PRSS12: variants seen among roughly 807,000 people sequenced by gnomAD.
The protein encoded by PRSS12 is serine protease 12, also known as neurotrypsin.
In PRSS12, 85 loss-of-function variants were observed where a neutral mutation model predicts 104.4. The observed-to-expected ratio is 0.81, with a 90% CI of 0.68 to 0.98. The LOEUF is 0.98. Ranked by LOEUF, PRSS12 falls within the 50% of genes least tolerant of loss-of-function variation. PRSS12 has a pLI of 0.00. For missense variants in PRSS12, 1,141 were observed against 1,139.2 expected (o/e 1.00, Z -0.02); for synonymous variants, 454 against 425.2 (o/e 1.07, Z -0.83).
Position 118,331,883 on chromosome 4 carries a change from T to TA in PRSS12, c.821-18dup. 6.2e-7 allele frequency: 1 copy of TA among 1,613,572 alleles called. No individual in the cohort carries two copies. The highest frequency in any genetic ancestry group is 8.5e-7 in the Non-Finnish European group (1 of 1,179,992). ...ACGTTGGGCCTGTGCAATGTGAAGT[T>TA]AAAAATAAGCAAAACCTATGCATTT... On this transcript the variant is annotated splice_polypyrimidine_tract_variant and intron_variant, in intron 3 of 12. Coordinates refer to ENST00000296498, the MANE Select transcript of PRSS12 (RefSeq NM_003619.4).
intron 1 of PRSS12, among the ~76,000 whole-genome samples, chr4:118,347,775 A>G (rs1300110125): frequency 6.6e-6 from 1 of 152,166 alleles, no homozygotes; most frequent in Non-Finnish European, 1.5e-5. Flanking sequence ...TGCAGCCTCT[A>G]TCTCCTGGCC....
At position 118,352,614 on chromosome 4, in the gene PRSS12, G is replaced by C. The variant is rs1178920765; in HGVS notation, c.107C>G (p.Ser36Trp). Residue 36 changes from serine (S) to tryptophan (W), a missense_variant, in exon 1 of 13, where the codon TCG becomes TGG. Transcript: ENST00000296498. ...GGGGTAGTGCGGACCCGCAGGGGGC[G>C]AATGGCGGTGGCTGTGGTGGAGGGA... Reference protein sequence around the residue: ...NDSLHHSHRHSPPAGPHYPYY... With the variant: ...NDSLHHSHRHWPPAGPHYPYY... The C allele has an allele frequency of 3.0e-5, 49 of 1,611,278 alleles. No homozygotes were observed. Among genetic ancestry groups the C allele is most frequent in the Non-Finnish European group, 4.2e-5 (49 of 1,178,932 alleles).
rs376733642 is a variant in PRSS12, at chr4:118,318,534, G to A, written c.994C>T (p.Gln332Ter). 30 of 1,613,942 alleles carry A rather than the reference G, an allele frequency of 1.9e-5. No individual in the cohort carries two copies. Among genetic ancestry groups the A allele is most frequent in the African/African-American group, 2.7e-5 (2 of 74,916 alleles). The change falls in exon 5 of 13, where the codon CAG becomes TAG. Residue 332 changes from glutamine (Q) to a stop codon, truncating the protein, a stop_gained. Transcript: ENST00000296498. LOFTEE classifies it high-confidence loss of function. ...CCAGACCCTTCCCCAAAATATGCCT[G>A]ATGCCATGCTTTGGCAATGCCACTG... Reference protein sequence around the residue: ...GLSGIAKAWHQAYFGEGSGPV... With the variant: ...GLSGIAKAWH
chr4:118,328,595 A>C (rs1332666398), intron 4 of PRSS12, among the ~76,000 whole-genome samples: 1 of 152,194 alleles, frequency 6.6e-6, no homozygotes, highest in Non-Finnish European at 1.5e-5. Flanking sequence ...ACAACAAAAA[A>C]AAAAAGAACT....
chr4:118,296,976 T>TCA (rs1743268712), intron 9 of PRSS12, among the ~76,000 whole-genome samples: 1 of 152,138 alleles, frequency 6.6e-6, no homozygotes, highest in Admixed American at 6.5e-5. Context: ...CAAGCAAAAT[T>TCA]TTAAGTTTAC....
At chr4:118,312,888 C>T (rs910313870) in intron 7 of PRSS12, 8 of 342,224 alleles carry the variant, frequency 2.3e-5, no homozygotes, top group Non-Finnish European at 4.4e-5. Flanking sequence ...AATAAGTGAC[C>T]GAGGAGTAAG....
Position 118,282,250 on chromosome 4 carries a change from A to G in PRSS12, c.2321-7T>C, listed in dbSNP as rs1378100485. On this transcript the variant is annotated splice_polypyrimidine_tract_variant and splice_region_variant and intron_variant, in intron 12 of 12. Transcript: ENST00000296498. The stretch of plus-strand genomic sequence containing the variant: ...GTTCTTGAATAGGCTCGTCCTACTC[A>G]GACCAAACATCTGATTAGTGGCATT... The G allele has an allele frequency of 1.9e-6, 3 of 1,614,184 alleles. No individual in the cohort carries two copies. Among genetic ancestry groups the G allele is most frequent in the South Asian group, 1.1e-5 (1 of 91,048 alleles).
rs1301994784 is a variant in PRSS12 at position 118,281,813 on chromosome 4, T to G, written c.*123A>C. 4.2e-6 allele frequency: 3 copies of G among 721,886 alleles called. No homozygotes were observed. Among genetic ancestry groups the G allele is most frequent in the African/African-American group, 1.7e-5 (1 of 57,534 alleles). 44.7% of individuals were successfully genotyped at this position (721,886 alleles called of 1,614,324 possible). On this transcript the variant is annotated 3_prime_UTR_variant, in exon 13 of 13. Coordinates refer to ENST00000296498, the MANE Select transcript of PRSS12 (RefSeq NM_003619.4). ...TCAAAAGCAGCAGGGGGTACACAATTTTTTACCACAACACAAAGCAAAAAC... is the reference window on the plus strand; with the variant it reads ...TCAAAAGCAGCAGGGGGTACACAATGTTTTACCACAACACAAAGCAAAAAC...
chr4:118,299,142 T>G (rs1743329402), intron 8 of PRSS12, among the ~76,000 whole-genome samples: 1 of 152,222 alleles, frequency 6.6e-6, no homozygotes, highest in African/African-American at 2.4e-5. Context: ...CACAGCTACT[T>G]TATTACATCA....
At chr4:118,307,535 A>T (rs967191546) in intron 8 of PRSS12, among the ~76,000 whole-genome samples, 1 of 152,172 alleles carries the variant, frequency 6.6e-6, no homozygotes, top group Admixed American at 6.5e-5. Flanking sequence ...TAACCCTCTG[A>T]ATTGTAACAT....
chr4:118,307,781 TTCTC>T (rs1743594257), intron 8 of PRSS12, among the ~76,000 whole-genome samples: 1 of 152,134 alleles, frequency 6.6e-6, no homozygotes, highest in African/African-American at 2.4e-5. Context: ...TGCATGCATT[TTCTC>T]TCTAAGTCAC....
At chr4:118,324,274 C>T (rs1171127746) in intron 4 of PRSS12, among the ~76,000 whole-genome samples, 2 of 151,976 alleles carry the variant, frequency 1.3e-5, no homozygotes, top group African/African-American at 2.4e-5. Context: ...GGCCAATGAC[C>T]ACAGGATAAG....
At chr4:118,295,169 GA>G in intron 10 of PRSS12, 108 bp from the exon 11 acceptor site, 2 of 1,363,958 alleles carry the variant, frequency 1.5e-6, no homozygotes, top group Non-Finnish European at 2.0e-6. Context: ...GCAGGTGGGG[GA>G]AAAGGAAAGC....
In PRSS12 at chr4:118,294,695, TC is replaced by T. The variant is rs199861350; in HGVS notation, c.2039+243del. Among the ~76,000 whole-genome samples, 1,419 of 152,266 alleles carry T rather than the reference TC, an allele frequency of 9.3e-3. 26 individuals carry two copies. The highest frequency in any genetic ancestry group is 0.082 in the Middle Eastern group (24 of 294). On this transcript the variant is annotated intron_variant, in intron 11 of 12. Transcript: ENST00000296498. Reference sequence around the variant, plus strand: ...GGAGCACTGACATTGCTGCCTCCTCTCCAAAAACCCCTGTTCTTCTATTCTC... The same window carrying T: ...GGAGCACTGACATTGCTGCCTCCTCTCAAAAACCCCTGTTCTTCTATTCTC...
At chr4:118,297,146 T>TGTCA (rs1743272004) in intron 9 of PRSS12, among the ~76,000 whole-genome samples, 1 of 152,202 alleles carries the variant, frequency 6.6e-6, no homozygotes, top group African/African-American at 2.4e-5. Context: ...ACCTTATAGA[T>TGTCA]GTCACCAGGT....
At chr4:118,335,771 AAG>A (rs1724050040) in intron 2 of PRSS12, 120 bp from the exon 3 acceptor site, 9 of 947,470 alleles carry the variant, frequency 9.5e-6, no homozygotes, top group Non-Finnish European at 1.5e-5. Context: ...GAAACAAAGA[AAG>A]AAAGAAGAAA....
chr4:118,282,371 A>G (rs1033262456), intron 12 of PRSS12, 128 bp from the exon 13 acceptor site: 1 of 1,207,392 alleles, frequency 8.3e-7, no homozygotes, highest in Non-Finnish European at 1.2e-6. Context: ...AAAATGAGCA[A>G]TGACTAACTG....
At chr4:118,344,264 C>A (rs1724294149) in intron 1 of PRSS12, among the ~76,000 whole-genome samples, 1 of 152,008 alleles carries the variant, frequency 6.6e-6, no homozygotes, top group South Asian at 2.1e-4. Context: ...TAAAAATATA[C>A]TAAATGACCA....
At chr4:118,307,035 G>C (rs1743573957) in intron 8 of PRSS12, among the ~76,000 whole-genome samples, 1 of 152,026 alleles carries the variant, frequency 6.6e-6, no homozygotes, top group Admixed American at 6.6e-5. Context: ...GTGAGGAAAT[G>C]TACTGGGAAT....
Sources: allele counts gnomAD v4.1 joint callset (sites outside exome capture counted in the v4.1 genomes callset), GRCh38; gene constraint gnomAD v4.1.1; transcripts MANE v1.5; gene names NCBI Gene and HGNC (gene_info 2026-07-23, HGNC 2026-07-21).